The following ANKS1B variants were observed in gnomAD, a reference collection of about 807,000 sequenced individuals.
ANKS1B encodes ankyrin repeat and sterile alpha motif domain-containing protein 1B.
In ANKS1B, 36 loss-of-function variants were observed where a neutral mutation model predicts 148.3. The observed-to-expected ratio is 0.24, with a 90% CI of 0.19 to 0.32. ANKS1B has a LOEUF of 0.32. Ranked by LOEUF, ANKS1B falls within the 10% of genes least tolerant of loss-of-function variation. The probability of loss-of-function intolerance (pLI) is 1.00; values close to 1 mark genes in which losing one functional copy is unlikely to be tolerated. For synonymous variants in ANKS1B, 542 were observed against 560.8 expected, an observed-to-expected ratio of 0.97 and a Z score of 0.47; for missense variants, 1,157 against 1,542.6, an observed-to-expected ratio of 0.75 and a Z score of 4.19.
At chr12:99,859,944 G>A (rs1312270613) in intron 1 of ANKS1B, among the ~76,000 whole-genome samples, 1 of 152,104 alleles carries the variant, frequency 6.6e-6, no homozygotes, top group African/African-American at 2.4e-5. Context: ...CACCGCGCCC[G>A]GCCGAAAGTA....
intron 11 of ANKS1B, among the ~76,000 whole-genome samples, chr12:99,414,095 C>G (rs1170196379): frequency 1.3e-5 from 2 of 151,976 alleles, no homozygotes; most frequent in Non-Finnish European, 2.9e-5. Flanking sequence ...ACCCCTACTC[C>G]ACCATCAATC....
At chr12:99,654,195 T>C (rs1486143694) in intron 9 of ANKS1B, among the ~76,000 whole-genome samples, 1 of 152,218 alleles carries the variant, frequency 6.6e-6, no homozygotes, top group Non-Finnish European at 1.5e-5. Context: ...TGAGGGGCTA[T>C]GATCAAATTA....
chr12:99,271,410 C>A (rs2153988627), intron 12 of ANKS1B, among the ~76,000 whole-genome samples: 1 of 152,050 alleles, frequency 6.6e-6, no homozygotes, highest in African/African-American at 2.4e-5. Context: ...TTTATACCTA[C>A]TGCATTGAAA....
Position 99,069,433 on chromosome 12 carries a change from G to A in ANKS1B, c.2625+15492C>T, listed in dbSNP as rs896391075. 2.0e-5 allele frequency among the ~76,000 whole-genome samples: 3 copies of A among 152,260 alleles called. No homozygotes were observed. The South Asian group carries it at 6.2e-4, about 32-fold the overall frequency. On this transcript the variant is annotated intron_variant, in intron 16 of 26. Transcript: ENST00000683438. The stretch of plus-strand genomic sequence containing the variant: ...TTTCTTATGATACATTTACCTCTTA[G>A]TATTTAGAAAATTGTAAATACAATC...
intron 10 of ANKS1B, among the ~76,000 whole-genome samples, chr12:99,493,071 C>T (rs1032537777): frequency 5.3e-5 from 8 of 152,086 alleles, no homozygotes; most frequent in Non-Finnish European, 1.2e-4. Flanking sequence ...TAAAGGGCAT[C>T]CAAACAGAAA....
chr12:99,077,983 T>TTAACA (rs937617962), intron 16 of ANKS1B, among the ~76,000 whole-genome samples: 1 of 152,194 alleles, frequency 6.6e-6, no homozygotes, highest in African/African-American at 2.4e-5. Context: ...CTTTGTTTTG[T>TTAACA]TAACAAAGTG....
At chr12:99,626,411 A>T (rs1598371815) in intron 9 of ANKS1B, among the ~76,000 whole-genome samples, 1 of 152,190 alleles carries the variant, frequency 6.6e-6, no homozygotes, top group East Asian at 1.9e-4. Context: ...TGTTCTTTGC[A>T]TCATCACTAC....
chr12:98,810,598 A>G (rs1396668722), intron 19 of ANKS1B, among the ~76,000 whole-genome samples: 1 of 152,198 alleles, frequency 6.6e-6, no homozygotes, highest in Non-Finnish European at 1.5e-5. Context: ...TCATATATAT[A>G]TATTTAAGTT....
intron 1 of ANKS1B, among the ~76,000 whole-genome samples, chr12:99,882,139 C>A (rs1404866550): frequency 6.6e-6 from 1 of 152,182 alleles, no homozygotes; most frequent in African/African-American, 2.4e-5. Flanking sequence ...TGAAAACTCA[C>A]TGAATGAGTT....
intron 9 of ANKS1B, among the ~76,000 whole-genome samples, chr12:99,643,980 G>C (rs1038828221): frequency 1.3e-5 from 2 of 152,168 alleles, no homozygotes; most frequent in African/African-American, 4.8e-5. Context: ...AATCTGGATA[G>C]ATTGAGAATG....
intron 8 of ANKS1B, among the ~76,000 whole-genome samples, chr12:99,727,337 C>G (rs1402333656): frequency 6.6e-6 from 1 of 151,918 alleles, no homozygotes. Context: ...CATTCCTATA[C>G]ACCAACAATA....
At chr12:99,270,324 C>A (rs1177345869) in intron 12 of ANKS1B, among the ~76,000 whole-genome samples, 1 of 152,210 alleles carries the variant, frequency 6.6e-6, no homozygotes, top group Non-Finnish European at 1.5e-5. Context: ...CTCAGAGAGG[C>A]CTATTCTGAT....
At chr12:99,619,864 T>C (rs1363402577) in intron 9 of ANKS1B, among the ~76,000 whole-genome samples, 4 of 152,154 alleles carry the variant, frequency 2.6e-5, no homozygotes, top group Admixed American at 1.3e-4. Context: ...TGCCTGCCAT[T>C]GGAGGACCTG....
intron 8 of ANKS1B, among the ~76,000 whole-genome samples, chr12:99,713,925 A>T (rs990633422): frequency 3.9e-5 from 6 of 152,132 alleles, no homozygotes; most frequent in Admixed American, 6.5e-5. Flanking sequence ...TTAGCTTCCT[A>T]CTTCTGCTCC....
intron 17 of ANKS1B, among the ~76,000 whole-genome samples, chr12:98,953,785 T>G (rs1274770190): frequency 6.6e-6 from 1 of 152,118 alleles, no homozygotes; most frequent in African/African-American, 2.4e-5. Flanking sequence ...GTCTAATACT[T>G]GCCTCTGGTA....
chr12:99,271,955 T>C lies in ANKS1B; in HGVS notation c.1757-25091A>G, dbSNP rs140664354. ...TGGGAATGAGAATTGGTGGTGCTAA[T>C]AGAATACATGTCAGTGAAACTTTCA... is the stretch of plus-strand genomic sequence containing the variant. On this transcript the variant is annotated intron_variant, in intron 12 of 26. Coordinates refer to ENST00000683438, the MANE Select transcript of ANKS1B (RefSeq NM_001352186.2). 5.1e-3 allele frequency among the ~76,000 whole-genome samples: 776 copies of C among 152,140 alleles called. 11 individuals carry two copies. The highest frequency in any genetic ancestry group is 0.018 in the African/African-American group (750 of 41,500).
chr12:99,946,714 G>A (rs1286863722), intron 1 of ANKS1B, among the ~76,000 whole-genome samples: 1 of 152,148 alleles, frequency 6.6e-6, no homozygotes, highest in Non-Finnish European at 1.5e-5. Flanking sequence ...GGAATTGACA[G>A]TATATGCCAG....
At chr12:99,115,752 G>T (rs1411406365) in intron 15 of ANKS1B, among the ~76,000 whole-genome samples, 2 of 152,002 alleles carry the variant, frequency 1.3e-5, no homozygotes, top group Non-Finnish European at 2.9e-5. Context: ...CTAACATGGT[G>T]AAACTCTGTC....
chr12:98,853,022 T>C (rs1323211121), intron 17 of ANKS1B, among the ~76,000 whole-genome samples: 1 of 152,194 alleles, frequency 6.6e-6, no homozygotes, highest in East Asian at 1.9e-4. Flanking sequence ...AAGAAAAATA[T>C]GTTCAGATTC....
Sources: gnomAD v4.1 joint callset for allele counts (sites outside exome capture counted in the v4.1 genomes callset) on GRCh38, gnomAD v4.1.1 for gene constraint, MANE v1.5 for transcripts, NCBI Gene and HGNC (gene_info 2026-07-23, HGNC 2026-07-21) for gene names.